The following WLS variants were observed in gnomAD, a reference collection of about 807,000 sequenced individuals.
WLS encodes the protein protein wntless homolog.
In WLS, 23 loss-of-function variants were observed where a neutral mutation model predicts 62.8. The ratio of observed to expected loss-of-function variants is 0.37; its 90% confidence interval spans 0.26 to 0.52. The LOEUF (loss-of-function observed/expected upper bound fraction) is 0.52, where lower values mean the gene tolerates loss of function less well. WLS is among the 20% of genes least tolerant of loss of function. The pLI, the probability that WLS is intolerant of heterozygous loss-of-function variation, is 0.92. For missense variants in WLS, 615 were observed against 697.3 expected (o/e 0.88, Z 1.33); for synonymous variants, 246 against 244.1 (o/e 1.01, Z -0.07).
At chr1:68,201,115 C>T (rs1403600096) in intron 1 of WLS, among the ~76,000 whole-genome samples, 1 of 152,132 alleles carries the variant, frequency 6.6e-6, no homozygotes, top group Non-Finnish European at 1.5e-5. Flanking sequence ...AGCTCAAAAG[C>T]CTTAATTCTG....
intron 3 of WLS, 40 bp downstream of exon 3, chr1:68,159,083 C>G: frequency 1.2e-5 from 20 of 1,610,320 alleles, no homozygotes; most frequent in Non-Finnish European, 1.5e-5. Flanking sequence ...TACCTGAGAA[C>G]CAAATAAAAA....
chr1:68,170,912 T>C (rs947604624), intron 2 of WLS, among the ~76,000 whole-genome samples: 1 of 152,228 alleles, frequency 6.6e-6, no homozygotes, highest in African/African-American at 2.4e-5. Context: ...TAGATATTCA[T>C]TGAATATTTA....
At chr1:68,154,095 G>A (rs1646864104) in intron 4 of WLS, among the ~76,000 whole-genome samples, 1 of 152,146 alleles carries the variant, frequency 6.6e-6, no homozygotes. Context: ...CATACAGGGT[G>A]TATGATATCT....
intron 1 of WLS, among the ~76,000 whole-genome samples, chr1:68,199,884 G>A (rs542067333): frequency 1.9e-4 from 29 of 152,228 alleles, no homozygotes; most frequent in Non-Finnish European, 3.4e-4. Flanking sequence ...GAAGCTCCCC[G>A]TCCTATTCCC....
chr1:68,151,991 G>C (rs1646833014), intron 5 of WLS, among the ~76,000 whole-genome samples: 1 of 152,184 alleles, frequency 6.6e-6, no homozygotes, highest in African/African-American at 2.4e-5. Context: ...TGGTTAGTTA[G>C]ATTAGGGTGG....
In WLS at chr1:68,232,425, C is replaced by T; in HGVS notation, c.-126G>A. ...TGGGCGCTGCAAAACTTCAGAGGTG[C>T]TGGAGCGCGGCGAGGATGGGACCGG... is the stretch of plus-strand genomic sequence containing the variant. On this transcript the variant is annotated 5_prime_UTR_variant, in exon 1 of 12. Coordinates refer to ENST00000262348, the MANE Select transcript of WLS (RefSeq NM_024911.7). 1.4e-6 allele frequency: 2 copies of T among 1,436,668 alleles called. No individual in the cohort carries two copies. The highest frequency in any genetic ancestry group is 1.8e-6 in the Non-Finnish European group (2 of 1,093,914). 89.0% of individuals were successfully genotyped at this position (1,436,668 alleles called of 1,614,324 possible).
intron 11 of WLS, among the ~76,000 whole-genome samples, chr1:68,131,779 T>G (rs1189977911): frequency 6.6e-6 from 1 of 152,004 alleles, no homozygotes; most frequent in Admixed American, 6.5e-5. Flanking sequence ...AAAGAAGTAA[T>G]TAAGTTAACA....
At chr1:68,132,206 A>G (rs374405038) in intron 11 of WLS, among the ~76,000 whole-genome samples, 53 of 152,264 alleles carry the variant, frequency 3.5e-4, no homozygotes, top group African/African-American at 1.3e-3. Context: ...GGGGCAGAAG[A>G]CACCTGATTA....
chr1:68,180,673 A>G (rs936432774), intron 2 of WLS, among the ~76,000 whole-genome samples: 14 of 152,140 alleles, frequency 9.2e-5, no homozygotes, highest in African/African-American at 3.4e-4. Context: ...GGGCTCCCAG[A>G]GCTCAGGGCC....
In WLS at chr1:68,137,773, AACTC is replaced by A; in HGVS notation, c.1516+3_1516+6del. The A allele has an allele frequency of 6.2e-7, 1 of 1,613,230 alleles. No individual in the cohort carries two copies. Among genetic ancestry groups the A allele is most frequent in the Non-Finnish European group, 8.5e-7 (1 of 1,179,562 alleles). On this transcript the variant is annotated splice_donor_5th_base_variant and intron_variant, in intron 11 of 11. Transcript: ENST00000262348. ...ACTTAAGCTGTTCTAAAGAGACAGA[AACTC>A]ACCATTGGACTGGTCTTCTCCATAG...
At chr1:68,230,924 A>G (rs898533549) in intron 1 of WLS, among the ~76,000 whole-genome samples, 3 of 152,168 alleles carry the variant, frequency 2.0e-5, no homozygotes, top group Non-Finnish European at 4.4e-5. Context: ...CAGCTCTGGC[A>G]GCGACGCCGC....
At chr1:68,162,390 A>T in intron 2 of WLS, 1 of 1,613,896 alleles carries the variant, frequency 6.2e-7, no homozygotes, top group Non-Finnish European at 8.5e-7. Flanking sequence ...AGTCGCTCTG[A>T]TACAGCAAAT....
intron 11 of WLS, among the ~76,000 whole-genome samples, chr1:68,110,657 GTCTCTCTCTCTCTCTC>G (rs55965951): frequency 3.5e-5 from 4 of 113,970 alleles, no homozygotes; most frequent in South Asian, 3.0e-4. Flanking sequence ...AAAAATCTCT[GTCTCTCTCTCTCTCTC>G]TCTCTCTCTC....
chr1:68,196,331 A>G (rs1261543789), intron 1 of WLS, among the ~76,000 whole-genome samples: 1 of 151,946 alleles, frequency 6.6e-6, no homozygotes, highest in Admixed American at 6.6e-5. Flanking sequence ...TTTAAAATAG[A>G]TACATCTATA....
At chr1:68,138,023 C>G (rs1646635939) in intron 10 of WLS, 90 bp from the exon 11 acceptor site, 1 of 1,484,662 alleles carries the variant, frequency 6.7e-7, no homozygotes, top group East Asian at 2.3e-5. Context: ...ACATGAAAAC[C>G]AAGTCTCTTC....
intron 11 of WLS, among the ~76,000 whole-genome samples, chr1:68,126,695 A>C (rs538682436): frequency 6.6e-6 from 1 of 152,276 alleles, no homozygotes; most frequent in Non-Finnish European, 1.5e-5. Flanking sequence ...AGCCCTCTGA[A>C]GTAGGCAGTA....
chr1:68,164,570 T>C (rs1239248358), intron 2 of WLS, among the ~76,000 whole-genome samples: 2 of 152,132 alleles, frequency 1.3e-5, no homozygotes, highest in African/African-American at 4.8e-5. Flanking sequence ...AAAATTTTTT[T>C]AAAACATAAA....
chr1:68,109,277 A>T (rs1195147970), intron 11 of WLS, among the ~76,000 whole-genome samples: 1 of 152,194 alleles, frequency 6.6e-6, no homozygotes, highest in Non-Finnish European at 1.5e-5. Context: ...AACAAAAACA[A>T]ATCTCTCTGG....
chr1:68,133,690 A>G (rs1423300089), intron 11 of WLS, among the ~76,000 whole-genome samples: 2 of 152,226 alleles, frequency 1.3e-5, no homozygotes, highest in African/African-American at 4.8e-5. Flanking sequence ...CCTGTGGCCC[A>G]CTTTGTTCTT....
Sources: allele counts gnomAD v4.1 joint callset (sites outside exome capture counted in the v4.1 genomes callset), GRCh38; gene constraint gnomAD v4.1.1; transcripts MANE v1.5; gene names NCBI Gene and HGNC (gene_info 2026-07-23, HGNC 2026-07-21).